The following RAB6A variants were observed in gnomAD, a reference collection of about 807,000 sequenced individuals.
RAB6A encodes the protein RAB6A, member RAS oncogene family, also known as ras-related protein Rab-6A.
In RAB6A, 8 loss-of-function variants were observed where a neutral mutation model predicts 32.3. That is an observed-to-expected ratio of 0.25 (90% confidence interval 0.15 to 0.45). RAB6A has a LOEUF of 0.45. Ranked by LOEUF, RAB6A falls within the 20% of genes least tolerant of loss-of-function variation. The pLI, the probability that RAB6A is intolerant of heterozygous loss-of-function variation, is 1.00. For missense variants in RAB6A, 104 were observed against 249.4 expected, an observed-to-expected ratio of 0.42 and a Z score of 3.93; for synonymous variants, 73 against 82.1, an observed-to-expected ratio of 0.89 and a Z score of 0.60.
At chr11:73,731,370 G>C (rs973939448) in intron 1 of RAB6A, among the ~76,000 whole-genome samples, 17 of 151,400 alleles carry the variant, frequency 1.1e-4, no homozygotes, top group African/African-American at 3.9e-4. Flanking sequence ...TGGTGAAATC[G>C]TGTCTCTACT....
intron 1 of RAB6A, among the ~76,000 whole-genome samples, chr11:73,731,723 TATATATATACACAC>T (rs1399394825): frequency 0.021 from 211 of 10,048 alleles, 5 homozygotes; most frequent in East Asian, 0.11. Context: ...TATATATATA[TATATATATACACAC>T]ACACACACAT....
In RAB6A at chr11:73,730,830, T is replaced by C; in HGVS notation, c.71-7A>G. The C allele has an allele frequency of 6.3e-7, 1 of 1,593,168 alleles. No homozygotes were observed. Among genetic ancestry groups the C allele is most frequent in the Non-Finnish European group, 8.5e-7 (1 of 1,174,400 alleles). ...ATCAAAGATGTCTTTCCAACTGAAA[T>C]GAAACGAAAAAAAGATTTGCTCAGT... On this transcript the variant is annotated splice_polypyrimidine_tract_variant and splice_region_variant and intron_variant, in intron 1 of 7. Coordinates refer to ENST00000336083, the MANE Select transcript of RAB6A (RefSeq NM_198896.2).
chr11:73,681,009 A>G (rs1945348337), intron 6 of RAB6A, among the ~76,000 whole-genome samples: 1 of 152,234 alleles, frequency 6.6e-6, no homozygotes, highest in Admixed American at 6.5e-5. Flanking sequence ...TGGGTACAAC[A>G]GCCAGTGAAA....
intron 1 of RAB6A, among the ~76,000 whole-genome samples, chr11:73,739,167 C>A (rs1243812280): frequency 6.9e-6 from 1 of 145,664 alleles, no homozygotes; most frequent in Admixed American, 7.1e-5. Context: ...ATCGCTTGAA[C>A]CTGGGAAGTG....
intron 4 of RAB6A, among the ~76,000 whole-genome samples, chr11:73,716,607 CAAAT>C (rs1216155037): frequency 1.3e-5 from 2 of 151,706 alleles, no homozygotes; most frequent in East Asian, 3.9e-4. Context: ...TGAACATGAT[CAAAT>C]GAGTACAATG....
intron 6 of RAB6A, among the ~76,000 whole-genome samples, chr11:73,698,503 G>A (rs548336928): frequency 3.3e-5 from 5 of 152,286 alleles, no homozygotes; most frequent in African/African-American, 1.2e-4. Context: ...TACATTAAAT[G>A]GATCTAGCAG....
At chr11:73,686,418 G>C (rs1299528966) in intron 6 of RAB6A, among the ~76,000 whole-genome samples, 1 of 152,198 alleles carries the variant, frequency 6.6e-6, no homozygotes, top group South Asian at 2.1e-4. Flanking sequence ...GCTGGGTGTG[G>C]TGGCAGGCAC....
At chr11:73,706,018 A>T (rs1307644005) in intron 6 of RAB6A, among the ~76,000 whole-genome samples, 1 of 152,222 alleles carries the variant, frequency 6.6e-6, no homozygotes, top group Admixed American at 6.5e-5. Flanking sequence ...CAAAAGCATG[A>T]GCACAGGTAT....
At chr11:73,728,158 T>C (rs1055483773) in intron 2 of RAB6A, among the ~76,000 whole-genome samples, 1 of 152,196 alleles carries the variant, frequency 6.6e-6, no homozygotes, top group African/African-American at 2.4e-5. Context: ...GATTACTAAT[T>C]TATTCCTTTT....
intron 5 of RAB6A, among the ~76,000 whole-genome samples, chr11:73,711,715 G>A (rs1288650999): frequency 6.6e-6 from 1 of 152,162 alleles, no homozygotes; most frequent in Non-Finnish European, 1.5e-5. Context: ...CTCCTCCATA[G>A]GAGTATTACC....
At chr11:73,688,515 T>C (rs1214636843) in intron 6 of RAB6A, among the ~76,000 whole-genome samples, 1 of 152,188 alleles carries the variant, frequency 6.6e-6, no homozygotes, top group Admixed American at 6.5e-5. Context: ...TCCGGAGAAA[T>C]AAGAGAATTG....
At chr11:73,713,893 T>C (rs974446723) in intron 5 of RAB6A, among the ~76,000 whole-genome samples, 14 of 152,054 alleles carry the variant, frequency 9.2e-5, no homozygotes, top group Non-Finnish European at 1.6e-4. Flanking sequence ...GAAAAATTAT[T>C]ATAAATATAA....
chr11:73,742,401 G>A (rs1946511589), intron 1 of RAB6A, among the ~76,000 whole-genome samples: 1 of 152,224 alleles, frequency 6.6e-6, no homozygotes, highest in South Asian at 2.1e-4. Flanking sequence ...GCTTCCCAAA[G>A]TGCTGGGATT....
At chr11:73,730,486 C>T (rs1946286554) in intron 2 of RAB6A, 1 of 288,482 alleles carries the variant, frequency 3.5e-6, no homozygotes, top group Admixed American at 5.2e-5. Context: ...TAGGCTTGGA[C>T]AAAATCTATA....
intron 1 of RAB6A, among the ~76,000 whole-genome samples, chr11:73,753,636 G>A (rs186002144): frequency 3.6e-4 from 55 of 152,036 alleles, no homozygotes; most frequent in African/African-American, 1.3e-3. Flanking sequence ...GCATGAACCC[G>A]GGAGGCAGAG....
At chr11:73,718,520 G>A in intron 4 of RAB6A, 93 bp downstream of exon 4, 2 of 1,050,466 alleles carry the variant, frequency 1.9e-6, no homozygotes, top group Non-Finnish European at 2.8e-6. Context: ...ATTTTTACAT[G>A]CCAGTAAGGA....
intron 1 of RAB6A, among the ~76,000 whole-genome samples, chr11:73,752,710 C>G (rs10898943): frequency 0.1 from 15,140 of 151,776 alleles, 855 homozygotes; most frequent in South Asian, 0.27. Context: ...TCCAGCTACT[C>G]AAGAGGCCGA....
intron 2 of RAB6A, among the ~76,000 whole-genome samples, chr11:73,727,403 G>A (rs746920089): frequency 2.0e-5 from 3 of 150,548 alleles, no homozygotes; most frequent in South Asian, 2.1e-4. Flanking sequence ...TCCAGCCTGG[G>A]CGACAAAGCA....
intron 1 of RAB6A, among the ~76,000 whole-genome samples, chr11:73,747,299 A>T (rs1350854546): frequency 6.7e-6 from 1 of 150,314 alleles, no homozygotes; most frequent in Non-Finnish European, 1.5e-5. Flanking sequence ...TCCACCTCCC[A>T]GGTTCAAGCA....
Sources: gnomAD v4.1 joint callset for allele counts (sites outside exome capture counted in the v4.1 genomes callset) on GRCh38, gnomAD v4.1.1 for gene constraint, MANE v1.5 for transcripts, NCBI Gene and HGNC (gene_info 2026-07-23, HGNC 2026-07-21) for gene names.